The following AFG2A variants were observed in gnomAD, a reference collection of about 807,000 sequenced individuals.
The protein encoded by AFG2A is AAA ATPase AFG2A, also known as ATPase family gene 2 protein homolog A.
the AFG2A span, among the ~76,000 whole-genome samples, chr4:122,989,112 A>C: frequency 6.6e-6 from 1 of 152,038 alleles, no homozygotes; most frequent in Non-Finnish European, 1.5e-5. Flanking sequence ...TCAGTCGTTT[A>C]GTGTCTGCTA....
the AFG2A span, among the ~76,000 whole-genome samples, chr4:123,143,352 T>C: frequency 1.5e-4 from 23 of 152,090 alleles, no homozygotes; most frequent in Non-Finnish European, 2.9e-5. Context: ...GCTATTACAT[T>C]AACTATAAAT....
At chr4:123,176,952 G>C in the AFG2A span, among the ~76,000 whole-genome samples, 1 of 152,102 alleles carries the variant, frequency 6.6e-6, no homozygotes, top group East Asian at 1.9e-4. Flanking sequence ...GTTGATGCTG[G>C]TTAAAATAAA....
the AFG2A span, among the ~76,000 whole-genome samples, chr4:123,224,174 TG>T: frequency 1.3e-5 from 2 of 152,158 alleles, no homozygotes; most frequent in African/African-American, 4.8e-5. Context: ...TTTATTTATT[TG>T]TTTTGTTGAG....
chr4:122,972,747 C>T, the AFG2A span, among the ~76,000 whole-genome samples: 4,650 of 151,622 alleles, frequency 0.031, 125 homozygotes, highest in Non-Finnish European at 0.042. Flanking sequence ...TTTTTTGTTA[C>T]TGATTTTGTT....
At chr4:122,939,936 C>T in the AFG2A span, among the ~76,000 whole-genome samples, 1 of 152,148 alleles carries the variant, frequency 6.6e-6, no homozygotes, top group African/African-American at 2.4e-5. Flanking sequence ...CCAGTTTCAT[C>T]CATGTCCCTG....
chr4:123,095,061 ATATATG>A, the AFG2A span, among the ~76,000 whole-genome samples: 1 of 125,684 alleles, frequency 8.0e-6, no homozygotes. Flanking sequence ...ATATATATAT[ATATATG>A]TGTGTGTGTG....
At chr4:123,003,869 G>A in the AFG2A span, among the ~76,000 whole-genome samples, 1 of 152,166 alleles carries the variant, frequency 6.6e-6, no homozygotes, top group Non-Finnish European at 1.5e-5. Flanking sequence ...GTCTGCAGAG[G>A]TTACTGCTGT....
At chr4:123,242,193 T>G in the AFG2A span, among the ~76,000 whole-genome samples, 1 of 152,196 alleles carries the variant, frequency 6.6e-6, no homozygotes, top group Non-Finnish European at 1.5e-5. Flanking sequence ...CCCAAGGTAA[T>G]GTACAGATTC....
the AFG2A span, among the ~76,000 whole-genome samples, chr4:123,068,890 T>A: frequency 6.6e-6 from 1 of 152,166 alleles, no homozygotes; most frequent in African/African-American, 2.4e-5. Context: ...CATAATTTTA[T>A]CTCCTGCATT....
chr4:123,260,306 CTGTT>C, the AFG2A span, among the ~76,000 whole-genome samples: 2 of 152,118 alleles, frequency 1.3e-5, no homozygotes, highest in South Asian at 4.1e-4. Flanking sequence ...TAAACTTAGT[CTGTT>C]TGTTTTATTT....
the AFG2A span, among the ~76,000 whole-genome samples, chr4:123,138,486 T>C: frequency 6.6e-6 from 1 of 152,232 alleles, no homozygotes; most frequent in Non-Finnish European, 1.5e-5. Flanking sequence ...TTAAGATAGC[T>C]CTTAAATGTA....
chr4:123,242,802 G>C, the AFG2A span, among the ~76,000 whole-genome samples: 15 of 152,198 alleles, frequency 9.9e-5, no homozygotes, highest in African/African-American at 3.4e-4. Context: ...TACCATCAGA[G>C]TGAATAGGCA....
At chr4:123,197,794 T>TAAAG in the AFG2A span, among the ~76,000 whole-genome samples, 1 of 151,440 alleles carries the variant, frequency 6.6e-6, no homozygotes, top group Non-Finnish European at 1.5e-5. Context: ...AATAAATAAA[T>TAAAG]AAGCATACAT....
At chr4:123,239,580 AG>A in the AFG2A span, among the ~76,000 whole-genome samples, 1 of 152,196 alleles carries the variant, frequency 6.6e-6, no homozygotes. Flanking sequence ...AGCCAAACTA[AG>A]CTTCATAAGT....
chr4:123,071,372 C>T, the AFG2A span, among the ~76,000 whole-genome samples: 52 of 151,864 alleles, frequency 3.4e-4, no homozygotes, highest in Non-Finnish European at 6.2e-4. Flanking sequence ...CCCAGCTACT[C>T]GGGAGGCTGA....
chr4:122,925,018 T>C, the AFG2A span, among the ~76,000 whole-genome samples: 11 of 152,152 alleles, frequency 7.2e-5, no homozygotes, highest in African/African-American at 2.4e-4. Context: ...TTCTCATGAG[T>C]GTCCCAAAGA....
chr4:123,051,386 C>G, the AFG2A span, among the ~76,000 whole-genome samples: 1 of 151,940 alleles, frequency 6.6e-6, no homozygotes, highest in Non-Finnish European at 1.5e-5. Context: ...AATTTGTACA[C>G]CTTAACTTCC....
chr4:123,061,697 C>A, the AFG2A span, among the ~76,000 whole-genome samples: 1 of 152,242 alleles, frequency 6.6e-6, no homozygotes, highest in African/African-American at 2.4e-5. Context: ...TTCCACCCCC[C>A]TCACATTTGG....
At chr4:123,053,705 A>AGG in the AFG2A span, among the ~76,000 whole-genome samples, 1 of 152,050 alleles carries the variant, frequency 6.6e-6, no homozygotes, top group Non-Finnish European at 1.5e-5. Context: ...AGACTGCAGC[A>AGG]GGAGGGGCTG....
Sources: gnomAD v4.1 joint callset for allele counts (sites outside exome capture counted in the v4.1 genomes callset) on GRCh38, gnomAD v4.1.1 for gene constraint, MANE v1.5 for transcripts, NCBI Gene and HGNC (gene_info 2026-07-23, HGNC 2026-07-21) for gene names.